Variants in APBB2 observed in about 807,000 individuals in gnomAD.
APBB2 encodes amyloid beta precursor protein binding family B member 2, also known as Fe65-like 1.
APBB2 carries 38 observed loss-of-function variants against 82.5 expected under a neutral mutation model. The ratio of observed to expected loss-of-function variants is 0.46; its 90% CI spans 0.36 to 0.60. The LOEUF (loss-of-function observed/expected upper bound fraction) is 0.60. Among genes scored for constraint, APBB2 ranks in the 20% least tolerant of loss-of-function variants. The pLI is 0.00. For missense variants in APBB2, 772 were observed against 972.3 expected, an observed-to-expected ratio of 0.79 and a Z score of 2.74; for synonymous variants, 341 against 368.2, an observed-to-expected ratio of 0.93 and a Z score of 0.85.
chr4:41,189,356 G>A (rs1773781695), intron 1 of APBB2, among the ~76,000 whole-genome samples: 1 of 152,132 alleles, frequency 6.6e-6, no homozygotes, highest in Non-Finnish European at 1.5e-5. Flanking sequence ...GGTACTGTCT[G>A]GAAGGGGCAG....
chr4:40,919,679 C>G (rs1409253369), intron 10 of APBB2, among the ~76,000 whole-genome samples: 1 of 152,202 alleles, frequency 6.6e-6, no homozygotes, highest in Non-Finnish European at 1.5e-5. Context: ...CCCCGACTGG[C>G]AGGACTGCTG....
intron 3 of APBB2, among the ~76,000 whole-genome samples, chr4:41,096,149 C>T (rs1743392077): frequency 6.6e-6 from 1 of 152,208 alleles, no homozygotes; most frequent in African/African-American, 2.4e-5. Flanking sequence ...AACATACTTC[C>T]TGATTTCTCA....
intron 1 of APBB2, among the ~76,000 whole-genome samples, chr4:41,185,497 TA>T (rs1407619608): frequency 1.3e-5 from 2 of 152,238 alleles, no homozygotes; most frequent in African/African-American, 4.8e-5. Flanking sequence ...GTGACACCTT[TA>T]TGTAATTCTT....
intron 1 of APBB2, among the ~76,000 whole-genome samples, chr4:41,159,949 G>GAAGAAGAAGA (rs1560912987): frequency 6.8e-5 from 4 of 59,030 alleles, no homozygotes; most frequent in Admixed American, 3.7e-4. Context: ...GGAGGAGAAG[G>GAAGAAGAAGA]AGAAGGAGAA....
chr4:40,848,384 A>G (rs1213253295), intron 12 of APBB2, among the ~76,000 whole-genome samples: 2 of 152,204 alleles, frequency 1.3e-5, no homozygotes, highest in East Asian at 3.9e-4. Flanking sequence ...GACTTGCTCC[A>G]AAGCCCACAG....
At chr4:40,961,567 C>T (rs374168286) in intron 6 of APBB2, among the ~76,000 whole-genome samples, 3 of 147,504 alleles carry the variant, frequency 2.0e-5, no homozygotes, top group East Asian at 2.0e-4. Flanking sequence ...GTGGGTGCAG[C>T]GCACCAGCGT....
rs1357062363 is a variant in APBB2, at chr4:40,815,109, G to A, written c.*983C>T. ...GCACATGGACTAGCAAAAATCACACGGTGGTAGAAATCTAAAATAATCGTG... is the reference window on the plus strand; with the variant it reads ...GCACATGGACTAGCAAAAATCACACAGTGGTAGAAATCTAAAATAATCGTG... On this transcript the variant is annotated 3_prime_UTR_variant, in exon 18 of 18. Coordinates refer to ENST00000508593, the MANE Select transcript of APBB2 (RefSeq NM_004307.2). 6.6e-6 allele frequency: 1 copy of A among 152,478 alleles called. No homozygotes were observed. The highest frequency in any genetic ancestry group is 6.6e-5 in the Admixed American group (1 of 15,264). The allele number at this position is 152,478 out of a possible 1,614,324, so 9.4% of individuals were successfully genotyped here.
intron 12 of APBB2, among the ~76,000 whole-genome samples, chr4:40,862,167 C>G (rs1427871541): frequency 1.3e-5 from 2 of 152,178 alleles, no homozygotes; most frequent in African/African-American, 4.8e-5. Context: ...AATCCAATTT[C>G]AATTTGTTTG....
chr4:41,174,338 G>A (rs917122597), intron 1 of APBB2, among the ~76,000 whole-genome samples: 2 of 152,140 alleles, frequency 1.3e-5, no homozygotes, highest in African/African-American at 4.8e-5. Context: ...TCTCAAGAAA[G>A]CTATAAACCT....
At chr4:41,094,522 AT>A (rs1742838280) in intron 3 of APBB2, among the ~76,000 whole-genome samples, 1 of 152,216 alleles carries the variant, frequency 6.6e-6, no homozygotes, top group East Asian at 1.9e-4. Context: ...ATGAAAAATT[AT>A]TTAACTTTAG....
At chr4:41,026,060 G>A (rs993112177) in intron 5 of APBB2, among the ~76,000 whole-genome samples, 3 of 152,102 alleles carry the variant, frequency 2.0e-5, no homozygotes, top group African/African-American at 4.8e-5. Context: ...GAATGGAGCT[G>A]GAGATTATTA....
intron 10 of APBB2, among the ~76,000 whole-genome samples, chr4:40,909,380 C>T (rs1170166532): frequency 6.6e-6 from 1 of 152,190 alleles, no homozygotes; most frequent in Non-Finnish European, 1.5e-5. Context: ...CTCCAGTTTT[C>T]AATCCCCAGG....
At chr4:40,997,141 C>CCTAATT (rs1803845742) in intron 6 of APBB2, among the ~76,000 whole-genome samples, 1 of 152,244 alleles carries the variant, frequency 6.6e-6, no homozygotes, top group Non-Finnish European at 1.5e-5. Context: ...TTCCTGTTTT[C>CCTAATT]CCACATGTGG....
chr4:40,817,452 G>A (rs1336313596), intron 17 of APBB2, among the ~76,000 whole-genome samples: 2 of 152,020 alleles, frequency 1.3e-5, no homozygotes, highest in African/African-American at 4.8e-5. Flanking sequence ...TTGAACAACA[G>A]AGTTTGAACT....
At chr4:40,881,908 A>G (rs528452336) in intron 12 of APBB2, among the ~76,000 whole-genome samples, 1 of 152,172 alleles carries the variant, frequency 6.6e-6, no homozygotes, top group East Asian at 1.9e-4. Context: ...TAATTTAGAA[A>G]GGAAGTCTCC....
chr4:41,195,511 C>T, intron 1 of APBB2, among the ~76,000 whole-genome samples: 6 of 152,292 alleles, frequency 3.9e-5, no homozygotes, highest in Non-Finnish European at 7.3e-5. Context: ...CAGATTACCA[C>T]ACAAGAGCCT....
intron 1 of APBB2, among the ~76,000 whole-genome samples, chr4:41,210,308 C>A (rs558567305): frequency 6.6e-6 from 1 of 152,282 alleles, no homozygotes; most frequent in East Asian, 1.9e-4. Flanking sequence ...AGGGTGACTG[C>A]AGCTCTCTCA....
intron 2 of APBB2, among the ~76,000 whole-genome samples, chr4:41,106,475 C>G (rs187318291): frequency 1.3e-3 from 192 of 150,162 alleles, no homozygotes; most frequent in Non-Finnish European, 2.0e-3. Context: ...TTTTTTGTTT[C>G]TTTGTTTGTT....
chr4:40,966,294 T>C (rs913451435), intron 6 of APBB2, among the ~76,000 whole-genome samples: 1 of 152,242 alleles, frequency 6.6e-6, no homozygotes, highest in Non-Finnish European at 1.5e-5. Context: ...CACTCTTTTA[T>C]GACAAGATCC....
Sources: allele counts gnomAD v4.1 joint callset (sites outside exome capture counted in the v4.1 genomes callset), GRCh38; gene constraint gnomAD v4.1.1; transcripts MANE v1.5; gene names NCBI Gene and HGNC (gene_info 2026-07-23, HGNC 2026-07-21).